Variants in NBEA observed in about 807,000 individuals in gnomAD.
The protein encoded by NBEA is neurobeachin.
A neutral mutation model predicts 343.4 loss-of-function variants in NBEA; 44 were observed. The observed-to-expected ratio is 0.13, with a 90% confidence interval of 0.10 to 0.16. NBEA has a LOEUF of 0.16. Among genes scored for constraint, NBEA ranks in the 10% least tolerant of loss-of-function variants. The pLI, the probability that NBEA is intolerant of heterozygous loss-of-function variation, is 1.00. For synonymous variants in NBEA, 1,175 were observed against 1,238.7 expected (o/e 0.95, Z 1.08); for missense variants, 2,555 against 3,631.3 (o/e 0.70, Z 7.62).
intron 41 of NBEA, among the ~76,000 whole-genome samples, chr13:35,516,409 T>C (rs1376254667): frequency 6.6e-6 from 1 of 152,202 alleles, no homozygotes; most frequent in Non-Finnish European, 1.5e-5. Context: ...TTTTATTGCA[T>C]ACTGTCTCTC....
At chr13:35,344,714 C>T (rs538848483) in intron 36 of NBEA, among the ~76,000 whole-genome samples, 23 of 149,846 alleles carry the variant, frequency 1.5e-4, no homozygotes, top group African/African-American at 3.3e-4. Flanking sequence ...AAAGAAGAAA[C>T]AAAACCCTAA....
At chr13:35,140,158 C>T (rs2068007873) in intron 17 of NBEA, among the ~76,000 whole-genome samples, 1 of 151,884 alleles carries the variant, frequency 6.6e-6, no homozygotes. Context: ...CTATAGGAGC[C>T]TGCCACTATG....
intron 38 of NBEA, among the ~76,000 whole-genome samples, chr13:35,423,076 A>C (rs1371686736): frequency 8.6e-5 from 13 of 151,994 alleles, no homozygotes; most frequent in Admixed American, 8.5e-4. Context: ...AGGTTGCAAA[A>C]ATTTTCTCCC....
intron 33 of NBEA, among the ~76,000 whole-genome samples, chr13:35,226,366 TCTC>T (rs1200955120): frequency 6.6e-6 from 1 of 151,980 alleles, no homozygotes; most frequent in Non-Finnish European, 1.5e-5. Flanking sequence ...ACCCCACAGT[TCTC>T]CTCAGAACTC....
At position 35,628,207 on chromosome 13, in the gene NBEA, T is replaced by C. The variant is rs2083306707; in HGVS notation, c.7576T>C (p.Ser2526Pro). Residue 2526 changes from serine (S) to proline (P), a missense_variant, in exon 49 of 59, where the codon TCT becomes CCT. Transcript: ENST00000379939. ...TTTTCACTACTTGACTTATGAAGGC[T>C]CTGTGAACCTGGATAGTATCACTGA... Reference protein sequence around the residue: ...NVFHYLTYEGSVNLDSITDPV... With the variant: ...NVFHYLTYEGPVNLDSITDPV... 1 of 1,612,806 alleles carries C rather than the reference T, an allele frequency of 6.2e-7. No individual in the cohort carries two copies. Among genetic ancestry groups the C allele is most frequent in the African/African-American group, 1.3e-5 (1 of 74,898 alleles).
intron 35 of NBEA, among the ~76,000 whole-genome samples, chr13:35,301,357 G>A (rs1373003854): frequency 6.6e-6 from 1 of 150,856 alleles, no homozygotes; most frequent in Non-Finnish European, 1.5e-5. Flanking sequence ...CCCCCCAACA[G>A]GCCCCAGTGT....
chr13:35,076,026 A>G (rs190469887), intron 10 of NBEA, among the ~76,000 whole-genome samples: 1 of 151,966 alleles, frequency 6.6e-6, no homozygotes, highest in African/African-American at 2.4e-5. Flanking sequence ...ATTGTTTTTA[A>G]TAGGGAAAAT....
chr13:35,204,098 A>G (rs2073208317), intron 31 of NBEA, among the ~76,000 whole-genome samples: 1 of 152,264 alleles, frequency 6.6e-6, no homozygotes, highest in African/African-American at 2.4e-5. Context: ...ATCTGCATTT[A>G]CAGCTGCTCC....
intron 40 of NBEA, among the ~76,000 whole-genome samples, chr13:35,456,072 G>C (rs139629987): frequency 6.6e-6 from 1 of 151,974 alleles, no homozygotes; most frequent in Non-Finnish European, 1.5e-5. Flanking sequence ...GATAGTCTAT[G>C]TGTGGTCCAA....
intron 17 of NBEA, among the ~76,000 whole-genome samples, chr13:35,131,225 G>T (rs1034495547): frequency 2.0e-5 from 3 of 152,012 alleles, no homozygotes; most frequent in African/African-American, 4.8e-5. Flanking sequence ...GAAGGAATCG[G>T]CCACTATTTC....
intron 1 of NBEA, among the ~76,000 whole-genome samples, chr13:35,010,452 T>C (rs1383785752): frequency 6.7e-6 from 1 of 149,506 alleles, no homozygotes; most frequent in South Asian, 2.1e-4. Flanking sequence ...GTGGTGGTGC[T>C]CACCTGTAGT....
chr13:35,346,604 C>G (rs150804840), intron 36 of NBEA, among the ~76,000 whole-genome samples: 1 of 152,148 alleles, frequency 6.6e-6, no homozygotes, highest in African/African-American at 2.4e-5. Flanking sequence ...TTGTGGTTAA[C>G]TTTTAGACTG....
intron 47 of NBEA, among the ~76,000 whole-genome samples, chr13:35,602,978 A>G (rs1486623950): frequency 6.6e-6 from 1 of 152,182 alleles, no homozygotes; most frequent in South Asian, 2.1e-4. Context: ...TCTGATGGCA[A>G]CTTTAAAATC....
chr13:35,265,216 T>A (rs1023447760), intron 34 of NBEA, among the ~76,000 whole-genome samples: 1 of 151,734 alleles, frequency 6.6e-6, no homozygotes, highest in Non-Finnish European at 1.5e-5. Flanking sequence ...AAAACATAGA[T>A]GAAAGAAATG....
chr13:35,656,860 T>A (rs2084835613), intron 55 of NBEA, among the ~76,000 whole-genome samples: 1 of 152,090 alleles, frequency 6.6e-6, no homozygotes, highest in African/African-American at 2.4e-5. Flanking sequence ...GAGATAAAAA[T>A]TTTTCAGGAA....
chr13:35,145,152 T>G (rs2068339175), intron 18 of NBEA, among the ~76,000 whole-genome samples: 1 of 152,190 alleles, frequency 6.6e-6, no homozygotes, highest in Admixed American at 6.5e-5. Flanking sequence ...AGCCTCTTGT[T>G]GTTTCCTTGA....
chr13:35,119,954 A>T (rs1283377653), intron 16 of NBEA, among the ~76,000 whole-genome samples: 1 of 152,212 alleles, frequency 6.6e-6, no homozygotes, highest in Non-Finnish European at 1.5e-5. Flanking sequence ...TTTACAAAAT[A>T]ATGACAATTT....
chr13:35,548,036 G>A (rs1230145215), intron 41 of NBEA, among the ~76,000 whole-genome samples: 1 of 152,178 alleles, frequency 6.6e-6, no homozygotes, highest in African/African-American at 2.4e-5. Flanking sequence ...CCAGAGCCAA[G>A]TGCTGGAGAA....
intron 40 of NBEA, among the ~76,000 whole-genome samples, chr13:35,466,209 G>A (rs2075379657): frequency 6.6e-6 from 1 of 152,110 alleles, no homozygotes; most frequent in Admixed American, 6.6e-5. Flanking sequence ...GATCTGTGGG[G>A]ATAATTAGTT....
Sources: allele counts gnomAD v4.1 joint callset (sites outside exome capture counted in the v4.1 genomes callset), GRCh38; gene constraint gnomAD v4.1.1; transcripts MANE v1.5; gene names NCBI Gene and HGNC (gene_info 2026-07-23, HGNC 2026-07-21).